EYA3: variants seen among roughly 807,000 people sequenced by gnomAD.
EYA3 encodes the protein protein phosphatase EYA3.
Under a neutral mutation model 80.0 loss-of-function variants are expected in EYA3, and 39 were observed. That is an observed-to-expected ratio of 0.49 (90% confidence interval 0.38 to 0.64). The LOEUF is 0.64. Ranked by LOEUF, EYA3 falls within the 30% of genes least tolerant of loss-of-function variation. The probability of loss-of-function intolerance (pLI) is 0.00; values close to 1 mark genes in which losing one functional copy is unlikely to be tolerated. For synonymous variants in EYA3, 206 were observed against 232.8 expected, an observed-to-expected ratio of 0.88 and a Z score of 1.05; for missense variants, 523 against 676.1, an observed-to-expected ratio of 0.77 and a Z score of 2.51.
At chr1:27,991,011 G>A (rs1248342232) in intron 14 of EYA3, among the ~76,000 whole-genome samples, 3 of 152,042 alleles carry the variant, frequency 2.0e-5, no homozygotes, top group Non-Finnish European at 2.9e-5. Flanking sequence ...AATAAAATCA[G>A]CTGACAGAAA....
At chr1:28,019,773 C>T (rs1642306454) in intron 7 of EYA3, among the ~76,000 whole-genome samples, 1 of 152,044 alleles carries the variant, frequency 6.6e-6, no homozygotes, top group Non-Finnish European at 1.5e-5. Flanking sequence ...GTAGTCTCGG[C>T]TCACTGCAAC....
At chr1:28,072,404 C>T (rs947940108) in intron 1 of EYA3, among the ~76,000 whole-genome samples, 82 of 151,888 alleles carry the variant, frequency 5.4e-4, no homozygotes, top group Non-Finnish European at 1.5e-4. Flanking sequence ...GACTGTTGGC[C>T]TCTGTAGATT....
At chr1:28,073,127 A>ATATATATATATATATATATATTTTTTTTT (rs1553157671) in intron 1 of EYA3, among the ~76,000 whole-genome samples, 1 of 14,998 alleles carries the variant, frequency 6.7e-5, no homozygotes, top group African/African-American at 3.2e-4. Context: ...ATATATATAT[A>ATATATATATATATATATATATTTTTTTTT]TTTTTTTTTT....
chr1:28,023,748 C>T (rs6687217), intron 7 of EYA3, among the ~76,000 whole-genome samples: 1,927 of 152,210 alleles, frequency 0.013, 39 homozygotes, highest in African/African-American at 0.044. Flanking sequence ...ACAAGGACAT[C>T]ATATAAAAAC....
chr1:28,010,551 G>C (rs1641618263), intron 10 of EYA3, among the ~76,000 whole-genome samples: 1 of 151,804 alleles, frequency 6.6e-6, no homozygotes, highest in African/African-American at 2.4e-5. Context: ...GCTAATTCTT[G>C]TATATATATA....
intron 17 of EYA3, among the ~76,000 whole-genome samples, chr1:27,976,033 T>C (rs972425161): frequency 6.6e-6 from 1 of 152,194 alleles, no homozygotes; most frequent in Non-Finnish European, 1.5e-5. Context: ...TCCAAGTTAC[T>C]CAGAATATTG....
chr1:28,058,386 A>G (rs1330862267), intron 1 of EYA3, among the ~76,000 whole-genome samples: 1 of 152,234 alleles, frequency 6.6e-6, no homozygotes, highest in Non-Finnish European at 1.5e-5. Context: ...CCACGTGCAG[A>G]TAATAAAATA....
intron 1 of EYA3, among the ~76,000 whole-genome samples, chr1:28,070,124 G>C (rs1644970790): frequency 6.6e-6 from 1 of 152,186 alleles, no homozygotes. Flanking sequence ...TGTTATGGCA[G>C]CCACAAGAAA....
chr1:28,059,330 A>C (rs1644537393), intron 1 of EYA3, among the ~76,000 whole-genome samples: 1 of 152,250 alleles, frequency 6.6e-6, no homozygotes, highest in Non-Finnish European at 1.5e-5. Context: ...TTGATGCTCA[A>C]TGCTCTCACT....
chr1:28,051,162 C>T (rs1644232767), intron 2 of EYA3, among the ~76,000 whole-genome samples: 1 of 152,074 alleles, frequency 6.6e-6, no homozygotes, highest in Non-Finnish European at 1.5e-5. Context: ...TGAAAAAGCT[C>T]CGTTAGGGTT....
Position 28,006,266 on chromosome 1 carries a change from AG to A in EYA3, c.910-1848del, listed in dbSNP as rs369105756. 3.0e-3 allele frequency among the ~76,000 whole-genome samples: 462 copies of A among 152,280 alleles called. 2 individuals carry two copies. Among genetic ancestry groups the A allele is most frequent in the African/African-American group, 0.01 (427 of 41,562 alleles). On this transcript the variant is annotated intron_variant, in intron 10 of 17. Coordinates refer to ENST00000373871, the MANE Select transcript of EYA3 (RefSeq NM_001990.4). ...GTAATGCATCACATTAATAGAACAG[AG>A]GGGGAAAAAGCTACATGATAATCTC...
At chr1:27,992,784 T>C (rs367656194) in intron 14 of EYA3, among the ~76,000 whole-genome samples, 1 of 152,220 alleles carries the variant, frequency 6.6e-6, no homozygotes, top group Non-Finnish European at 1.5e-5. Context: ...ACTACCCCTA[T>C]GATGGACATC....
chr1:27,976,483 AG>A (rs1246989631), intron 17 of EYA3, among the ~76,000 whole-genome samples: 1 of 152,096 alleles, frequency 6.6e-6, no homozygotes, highest in African/African-American at 2.4e-5. Flanking sequence ...AACAAAAAAA[AG>A]AATGCCAGAC....
chr1:28,023,872 CAGG>C (rs1642608161), intron 7 of EYA3, among the ~76,000 whole-genome samples: 1 of 152,126 alleles, frequency 6.6e-6, no homozygotes, highest in African/African-American at 2.4e-5. Context: ...GGAAACTGTG[CAGG>C]AGGAGGGATA....
At chr1:27,978,625 A>G in intron 16 of EYA3, 151 bp from the exon 17 acceptor site, 1 of 598,826 alleles carries the variant, frequency 1.7e-6, no homozygotes, top group Non-Finnish European at 3.0e-6. Flanking sequence ...GATGGGAGCT[A>G]GAGATCCAGT....
intron 6 of EYA3, among the ~76,000 whole-genome samples, chr1:28,028,201 G>C (rs1478188708): frequency 6.6e-6 from 1 of 152,016 alleles, no homozygotes; most frequent in African/African-American, 2.4e-5. Context: ...AATTGACCAG[G>C]ATTCAGAAAA....
At chr1:27,991,332 A>G (rs1176578325) in intron 14 of EYA3, among the ~76,000 whole-genome samples, 1 of 152,190 alleles carries the variant, frequency 6.6e-6, no homozygotes, top group African/African-American at 2.4e-5. Context: ...ACATGTTGAC[A>G]TGAAATTCCA....
At chr1:28,065,050 G>A (rs1249297598) in intron 1 of EYA3, among the ~76,000 whole-genome samples, 1 of 152,174 alleles carries the variant, frequency 6.6e-6, no homozygotes, top group Non-Finnish European at 1.5e-5. Context: ...CCTTCCAAGG[G>A]GGGGATACAC....
chr1:28,048,414 T>G lies in EYA3; in HGVS notation c.46A>C (p.Lys16Gln), dbSNP rs1206937798. Residue 16 changes from lysine to glutamine, a missense_variant, in exon 3 of 18, where the codon AAG becomes CAG. Around this residue, in one of 2 missense-constraint regions of EYA3, gnomAD observed 304 missense variants for 343.3 expected, o/e 0.89. Transcript: ENST00000373871. ...GTTTGCTCTCCTGATTCCTGCATCT[T>G]GGCTTTTTTCACCTGCAAAAATAAA... is the stretch of plus-strand genomic sequence containing the variant. ...DLPEQPVKKA[K>Q]MQESGEQTIS... The G allele has an allele frequency of 6.2e-7, 1 of 1,612,352 alleles. No individual in the cohort carries two copies. Among genetic ancestry groups the G allele is most frequent in the East Asian group, 2.2e-5 (1 of 44,808 alleles).
Sources: gnomAD v4.1 joint callset for allele counts (sites outside exome capture counted in the v4.1 genomes callset) on GRCh38, gnomAD v4.1.1 for gene constraint, gnomAD v4.1.1 regional missense constraint, MANE v1.5 for transcripts, NCBI Gene and HGNC (gene_info 2026-07-23, HGNC 2026-07-21) for gene names.